Variants in CDK14 observed in about 807,000 individuals in gnomAD.
The protein encoded by CDK14 is cyclin dependent kinase 14.
Under a neutral mutation model 60.7 loss-of-function variants are expected in CDK14, and 34 were observed. That is an observed-to-expected ratio of 0.56 (90% CI 0.43 to 0.75). The LOEUF (loss-of-function observed/expected upper bound fraction) is 0.75, where lower values mean the gene tolerates loss of function less well. CDK14 is among the 30% of genes least tolerant of loss of function. The pLI is 0.00. For synonymous variants in CDK14, 197 were observed against 203.7 expected, an observed-to-expected ratio of 0.97 and a Z score of 0.28; for missense variants, 482 against 564.1, an observed-to-expected ratio of 0.85 and a Z score of 1.47.
At chr7:90,920,417 G>A (rs1793211594) in intron 8 of CDK14, among the ~76,000 whole-genome samples, 2 of 152,160 alleles carry the variant, frequency 1.3e-5, no homozygotes, top group Admixed American at 1.3e-4. Context: ...AATTTATTGA[G>A]TTTATTCTAT....
chr7:91,091,784 C>T (rs1798840035), intron 12 of CDK14, among the ~76,000 whole-genome samples: 1 of 136,194 alleles, frequency 7.3e-6, no homozygotes, highest in Non-Finnish European at 1.6e-5. Flanking sequence ...TTTAAGCTCC[C>T]AAGTAATCAG....
At chr7:90,670,952 A>G (rs182106948) in intron 2 of CDK14, among the ~76,000 whole-genome samples, 2 of 152,292 alleles carry the variant, frequency 1.3e-5, no homozygotes, top group African/African-American at 4.8e-5. Flanking sequence ...TAACTTTCTT[A>G]AGAACAAAAG....
intron 10 of CDK14, among the ~76,000 whole-genome samples, chr7:91,027,288 C>A (rs1490647763): frequency 6.6e-6 from 1 of 152,062 alleles, no homozygotes; most frequent in Non-Finnish European, 1.5e-5. Context: ...CAATTTGAAC[C>A]AAAACTAACA....
intron 7 of CDK14, among the ~76,000 whole-genome samples, chr7:90,911,585 T>G (rs1181540707): frequency 1.3e-5 from 2 of 152,166 alleles, no homozygotes; most frequent in African/African-American, 4.8e-5. Flanking sequence ...CATCTCAGAT[T>G]AAATTGAACC....
At chr7:91,171,345 A>G (rs890876008) in intron 14 of CDK14, among the ~76,000 whole-genome samples, 37 of 152,104 alleles carry the variant, frequency 2.4e-4, no homozygotes, top group African/African-American at 8.4e-4. Context: ...GCAACACTGC[A>G]TCTAAAAAAA....
At chr7:90,711,078 G>A (rs1480057538) in intron 2 of CDK14, among the ~76,000 whole-genome samples, 1 of 151,964 alleles carries the variant, frequency 6.6e-6, no homozygotes, top group African/African-American at 2.4e-5. Context: ...GATGGTGAAT[G>A]TTAAAAAAAT....
chr7:91,113,822 T>C (rs961813989), intron 13 of CDK14, among the ~76,000 whole-genome samples: 1 of 152,148 alleles, frequency 6.6e-6, no homozygotes, highest in Non-Finnish European at 1.5e-5. Flanking sequence ...AATCTTTTTT[T>C]GATATCCCAC....
chr7:90,788,933 A>G (rs942513139), intron 4 of CDK14, among the ~76,000 whole-genome samples: 2 of 151,770 alleles, frequency 1.3e-5, no homozygotes, highest in African/African-American at 4.9e-5. Context: ...GTGAAGGAGG[A>G]GAGGCAGGGG....
chr7:90,722,736 A>G (rs1392304811), intron 2 of CDK14, among the ~76,000 whole-genome samples: 5 of 152,172 alleles, frequency 3.3e-5, no homozygotes, highest in Non-Finnish European at 7.3e-5. Context: ...ATAATTATCA[A>G]CTGTGCCATA....
chr7:91,206,993 A>ATT (rs201466419), intron 14 of CDK14, among the ~76,000 whole-genome samples, 172 bp from the exon 15 acceptor site: 1 of 151,382 alleles, frequency 6.6e-6, no homozygotes, highest in African/African-American at 2.4e-5. Flanking sequence ...TATTAGAAGG[A>ATT]TTTTTTTTTG....
rs1211895994 is a variant in CDK14 at position 90,837,291 on chromosome 7, CT to C, written c.545-25870del. On this transcript the variant is annotated intron_variant, in intron 5 of 14. Coordinates refer to ENST00000380050, the MANE Select transcript of CDK14 (RefSeq NM_001287135.2). ...AATAATATTTCTTTCTTTCTTTTTT[CT>C]TTTTTTTTTTTTTGAGATGGAGTCT... Among the ~76,000 whole-genome samples, 203 of 141,552 alleles carry C rather than the reference CT, an allele frequency of 1.4e-3. 1 individual carries two copies. Among genetic ancestry groups the C allele is most frequent in the South Asian group, 1.6e-3 (7 of 4,498 alleles). The allele number at this position is 141,552 out of a possible 152,430, so 92.9% of individuals were successfully genotyped here. A position where few individuals can be genotyped will look rare whatever the true frequency, so the allele number is the denominator to read the frequency against.
At chr7:91,189,014 G>A (rs1802273297) in intron 14 of CDK14, among the ~76,000 whole-genome samples, 2 of 152,064 alleles carry the variant, frequency 1.3e-5, no homozygotes, top group African/African-American at 4.8e-5. Flanking sequence ...TGACATTCAT[G>A]ATTATTTTCA....
chr7:91,083,821 G>T (rs1026886364), intron 12 of CDK14, among the ~76,000 whole-genome samples: 9 of 152,174 alleles, frequency 5.9e-5, no homozygotes, highest in Admixed American at 2.0e-4. Context: ...GCAAGCAGGT[G>T]CCAGGAGGAC....
chr7:90,750,875 A>G (rs1803814525), intron 4 of CDK14, among the ~76,000 whole-genome samples: 1 of 152,156 alleles, frequency 6.6e-6, no homozygotes, highest in Admixed American at 6.6e-5. Flanking sequence ...TGTCTCCAAA[A>G]AAAAAGAAAA....
At chr7:90,952,234 G>C (rs1389175715) in intron 8 of CDK14, among the ~76,000 whole-genome samples, 1 of 152,124 alleles carries the variant, frequency 6.6e-6, no homozygotes, top group Non-Finnish European at 1.5e-5. Context: ...GTCTGCGTAG[G>C]GAAAATGTCG....
In CDK14 at chr7:90,682,046, A is replaced by T. The variant is rs185975818; in HGVS notation, c.124-44521A>T. ...GTATCCACTGCATTAATAATGGTGG[A>T]GTATTATTTTACATCCTTTACCTGT... is the stretch of plus-strand genomic sequence containing the variant. On this transcript the variant is annotated intron_variant, in intron 2 of 14. Transcript: ENST00000380050. Among the ~76,000 whole-genome samples, 376 of 152,222 alleles carry T rather than the reference A, an allele frequency of 2.5e-3. 2 individuals carry two copies. The highest frequency in any genetic ancestry group is 0.014 in the Admixed American group (211 of 15,278).
chr7:90,856,940 T>G (rs974755549), intron 5 of CDK14, among the ~76,000 whole-genome samples: 3 of 152,204 alleles, frequency 2.0e-5, no homozygotes, highest in Admixed American at 6.5e-5. Context: ...AAAGAACACA[T>G]AAGATGAAAG....
intron 11 of CDK14, among the ~76,000 whole-genome samples, chr7:91,056,269 A>G (rs540198177): frequency 1.1e-3 from 165 of 152,244 alleles, no homozygotes; most frequent in Non-Finnish European, 1.7e-3. Flanking sequence ...CACCACTATG[A>G]GAGATTCGTG....
At chr7:90,871,282 G>A (rs1791364879) in intron 6 of CDK14, among the ~76,000 whole-genome samples, 1 of 151,896 alleles carries the variant, frequency 6.6e-6, no homozygotes, top group Non-Finnish European at 1.5e-5. Flanking sequence ...CGGTATATTT[G>A]GTTTTAAAAA....
Sources: allele counts gnomAD v4.1 joint callset (sites outside exome capture counted in the v4.1 genomes callset), GRCh38; gene constraint gnomAD v4.1.1; transcripts MANE v1.5; gene names NCBI Gene and HGNC (gene_info 2026-07-23, HGNC 2026-07-21).